ZMYND10: variants seen among roughly 807,000 people sequenced by gnomAD.
ZMYND10 encodes zinc finger MYND-type containing 10.
In ZMYND10, 52 loss-of-function variants were observed where a neutral mutation model predicts 62.6. That is an observed-to-expected ratio of 0.83 (90% CI 0.67 to 1.05). The LOEUF (loss-of-function observed/expected upper bound fraction) is 1.05, where lower values mean the gene tolerates loss of function less well. Ranked by LOEUF, ZMYND10 falls within the 50% of genes least tolerant of loss-of-function variation. ZMYND10 has a pLI of 0.00. For missense variants in ZMYND10, 438 were observed against 543.3 expected (o/e 0.81, Z 1.93); for synonymous variants, 197 against 218.5 (o/e 0.90, Z 0.87).
chr3:50,345,635 C>A lies in ZMYND10; in HGVS notation c.-56G>T. ...AGCAGCCGGGGTGGGGATGCTGTCA[C>A]ATTCGGGGACGACGGACCCCGACGG... On this transcript the variant is annotated 5_prime_UTR_variant, in exon 1 of 12. An upstream start codon of the reference 5' UTR is lost. Coordinates refer to ENST00000231749, the MANE Select transcript of ZMYND10 (RefSeq NM_015896.4). This position sits in a 1 kb window ranked among gnomAD's most constrained non-coding sequence, Gnocchi z 5.0. 6.5e-7 allele frequency: 1 copy of A among 1,536,708 alleles called. No individual in the cohort carries two copies. Among genetic ancestry groups the A allele is most frequent in the South Asian group, 1.2e-5 (1 of 81,572 alleles).
chr3:50,342,369 G>A (rs1349908591), intron 8 of ZMYND10, 28 bp downstream of exon 8: 3 of 1,558,118 alleles, frequency 1.9e-6, no homozygotes, highest in Middle Eastern at 1.8e-4. Flanking sequence ...TACTGGGGCT[G>A]TGGGGGCTGG....
intron 11 of ZMYND10, 31 bp from the exon 12 acceptor site, chr3:50,341,516 T>G: frequency 6.2e-7 from 1 of 1,614,228 alleles, no homozygotes; most frequent in Non-Finnish European, 8.5e-7. Flanking sequence ...AGGATGGCAA[T>G]GCATGTGGGG....
intron 7 of ZMYND10, 105 bp downstream of exon 7, chr3:50,342,813 G>A: frequency 6.8e-7 from 1 of 1,478,148 alleles, no homozygotes; most frequent in African/African-American, 1.4e-5. Flanking sequence ...TCCTCAGTGG[G>A]CTTGGGGACA....
At chr3:50,342,186 AG>A (rs753156329) in intron 8 of ZMYND10, 46 bp from the exon 9 acceptor site, 4 of 1,593,348 alleles carry the variant, frequency 2.5e-6, no homozygotes, top group African/African-American at 1.4e-5. Context: ...GGTGCTGGCC[AG>A]GGGGCCAAGG....
rs759762847 is a variant in ZMYND10 at position 50,342,153 on chromosome 3, C to G, written c.874-13G>C. 5.0e-6 allele frequency: 8 copies of G among 1,604,092 alleles called. No homozygotes were observed. The East Asian group carries it at 1.8e-4, about 36-fold the overall frequency. On this transcript the variant is annotated splice_polypyrimidine_tract_variant and intron_variant, in intron 8 of 11. Transcript: ENST00000231749. ...GGAAGGCCCGAAGCTGCAAGGGTGT[C>G]CAGTGGAGGCCAGTGTGATGCAGGT...
Position 50,345,154 on chromosome 3 carries a change from G to A in ZMYND10, c.171C>T (p.Pro57=), listed in dbSNP as rs1023241669. ...ILDATVSQGE[P]IQELLVTHGK... is the part of the protein sequence containing the mutation. ...CATGGGTGACCAGCAGCTCCTGAAT[G>A]GGCTCGCCCTGGCTGACTGTGGCAT... is the stretch of plus-strand genomic sequence containing the variant. Residue 57 remains proline (P), a synonymous_variant, in exon 2 of 12, where the codon CCC becomes CCT. Transcript: ENST00000231749. The surrounding 1 kb of genome is among the most constrained non-coding windows in gnomAD (Gnocchi z 5.0). 6.2e-7 allele frequency: 1 copy of A among 1,613,880 alleles called. No individual in the cohort carries two copies. The highest frequency in any genetic ancestry group is 1.3e-5 in the African/African-American group (1 of 74,904).
rs1314021178 is a variant in ZMYND10 at position 50,341,817 on chromosome 3, C to T, written c.1114G>A (p.Ala372Thr). 6.2e-7 allele frequency: 1 copy of T among 1,613,874 alleles called. No homozygotes were observed. Among genetic ancestry groups the T allele is most frequent in the African/African-American group, 1.3e-5 (1 of 74,958 alleles). The change falls in exon 10 of 12, where the codon GCG becomes ACG. Residue 372 changes from alanine (A) to threonine (T), a missense_variant. Transcript: ENST00000231749. ...CATTTCCACAGGCCTTACCTTCGCGCCTGCAGCCGCAGGTCCTGCTCTGAG... is the reference window on the plus strand; with the variant it reads ...CATTTCCACAGGCCTTACCTTCGCGTCTGCAGCCGCAGGTCCTGCTCTGAG... The part of the protein sequence containing the change: ...SPSEQDLRLQ[A>T]RRWAETYRLD...
At position 50,345,036 on chromosome 3, in the gene ZMYND10, G is replaced by A. The variant is rs1410716121; in HGVS notation, c.201+88C>T. 2 of 1,096,260 alleles carry A rather than the reference G, an allele frequency of 1.8e-6. No individual in the cohort carries two copies. Among genetic ancestry groups the A allele is most frequent in the East Asian group, 4.9e-5 (2 of 40,500 alleles). The allele number at this position is 1,096,260 out of a possible 1,614,324, so 67.9% of individuals were successfully genotyped here. On this transcript the variant is annotated intron_variant, in intron 2 of 11. Coordinates refer to ENST00000231749, the MANE Select transcript of ZMYND10 (RefSeq NM_015896.4). This position sits in a 1 kb window ranked among gnomAD's most constrained non-coding sequence, Gnocchi z 5.0. ...CAGGGAGAACAGGTGTACCAGGCCA[G>A]AGGGGAAGGGCACACAGGGGACTCC...
intron 8 of ZMYND10, 98 bp from the exon 9 acceptor site, chr3:50,342,238 G>A (rs368556449): frequency 6.3e-7 from 1 of 1,580,438 alleles, no homozygotes. Flanking sequence ...GCCTGTGGGG[G>A]CCCATGTCCC....
chr3:50,345,631 G>C lies in ZMYND10; in HGVS notation c.-52C>G, dbSNP rs763565137. 6.5e-7 allele frequency: 1 copy of C among 1,543,628 alleles called. No individual in the cohort carries two copies. On this transcript the variant is annotated 5_prime_UTR_variant, in exon 1 of 12. Coordinates refer to ENST00000231749, the MANE Select transcript of ZMYND10 (RefSeq NM_015896.4). This position sits in a 1 kb window ranked among gnomAD's most constrained non-coding sequence, Gnocchi z 5.0. ...GGGCAGCAGCCGGGGTGGGGATGCTGTCACATTCGGGGACGACGGACCCCG... is the reference window on the plus strand; with the variant it reads ...GGGCAGCAGCCGGGGTGGGGATGCTCTCACATTCGGGGACGACGGACCCCG...
Position 50,341,876 on chromosome 3 carries a change from A to G in ZMYND10, c.1055T>C (p.Ile352Thr). The G allele has an allele frequency of 6.2e-7, 1 of 1,614,118 alleles. No homozygotes were observed. The change falls in exon 10 of 12, where the codon ATT becomes ACT. Residue 352 changes from isoleucine to threonine, a missense_variant. Coordinates refer to ENST00000231749, the MANE Select transcript of ZMYND10 (RefSeq NM_015896.4). ...ERENRGKWQA[I>T]AKHQLQHVFS... is the part of the protein sequence containing the mutation. ...CACATGCTGGAGCTGGTGCTTGGCA[A>G]TTGCCTGCCACTTGCCTCTGTTTTC...
intron 11 of ZMYND10, 42 bp from the exon 12 acceptor site, chr3:50,341,527 G>A (rs773169074): frequency 1.4e-5 from 23 of 1,614,242 alleles, no homozygotes; most frequent in Non-Finnish European, 1.8e-5. Flanking sequence ...GCATGTGGGG[G>A]ATGTGGGAGT....
Position 50,343,250 on chromosome 3 carries a change from G to A in ZMYND10, c.511-44C>T, listed in dbSNP as rs753172821. The A allele has an allele frequency of 4.1e-5, 66 of 1,613,832 alleles. 1 individual carries two copies. The Admixed American group carries it at 5.5e-4, about 13-fold the overall frequency. On this transcript the variant is annotated intron_variant, in intron 5 of 11. Transcript: ENST00000231749. ...TTCACGCTGGGCCACCCTCACCTGC[G>A]CAGGCCTTGGGGAACCCAGACCTAG...
At position 50,345,585 on chromosome 3, in the gene ZMYND10, G is replaced by C; in HGVS notation, c.-6C>G. 1 of 1,588,666 alleles carries C rather than the reference G, an allele frequency of 6.3e-7. No homozygotes were observed. Among genetic ancestry groups the C allele is most frequent in the Non-Finnish European group, 8.6e-7 (1 of 1,167,832 alleles). ...AGCAGTTCCAGGTCTCCCATATCGAGGCCGGGGTCCGGCGGATCCTGGGCA... is the reference window on the plus strand; with the variant it reads ...AGCAGTTCCAGGTCTCCCATATCGACGCCGGGGTCCGGCGGATCCTGGGCA... On this transcript the variant is annotated 5_prime_UTR_variant, in exon 1 of 12. Coordinates refer to ENST00000231749, the MANE Select transcript of ZMYND10 (RefSeq NM_015896.4). The surrounding 1 kb of genome is among the most constrained non-coding windows in gnomAD (Gnocchi z 5.0).
chr3:50,345,250 T>G lies in ZMYND10; in HGVS notation c.93-18A>C. Reference sequence around the variant, plus strand: ...GGTTCCACCTGCCTCAGAGGGTAAGTGCATGTGCGTCCACGTGTGTGCATT... The same window carrying G: ...GGTTCCACCTGCCTCAGAGGGTAAGGGCATGTGCGTCCACGTGTGTGCATT... On this transcript the variant is annotated intron_variant, in intron 1 of 11. Transcript: ENST00000231749. The surrounding 1 kb of genome is among the most constrained non-coding windows in gnomAD (Gnocchi z 5.0). 6.2e-7 allele frequency: 1 copy of G among 1,610,688 alleles called. No individual in the cohort carries two copies. The highest frequency in any genetic ancestry group is 8.5e-7 in the Non-Finnish European group (1 of 1,178,392).
chr3:50,343,025 G>T lies in ZMYND10; in HGVS notation c.600-7C>A, dbSNP rs893508870. 3 of 1,613,962 alleles carry T rather than the reference G, an allele frequency of 1.9e-6. No homozygotes were observed. In the African/African-American group the frequency reaches 4.0e-5, roughly 22 times the overall value. ...CAAGGTGCTGAGAGAGAGGCTAGGG[G>T]CAGGGACGTTGTGAAGGAGGTGAGT... On this transcript the variant is annotated splice_polypyrimidine_tract_variant and splice_region_variant and intron_variant, in intron 6 of 11. Transcript: ENST00000231749.
In ZMYND10 at chr3:50,342,463, C is replaced by T. The variant is rs2109356717; in HGVS notation, c.807G>A (p.Leu269=). 1 of 1,612,832 alleles carries T rather than the reference C, an allele frequency of 6.2e-7. No individual in the cohort carries two copies. Among genetic ancestry groups the T allele is most frequent in the Non-Finnish European group, 8.5e-7 (1 of 1,179,506 alleles). The change falls in exon 8 of 12, where the codon CTG becomes CTA. Residue 269 remains leucine, a synonymous_variant. Transcript: ENST00000231749. Reference sequence around the variant, plus strand: ...GCGCCTGAGCCTCAGGGCTTAGCAGCAGGTTGTACAGGGCGATCCACACTT... The same window carrying T: ...GCGCCTGAGCCTCAGGGCTTAGCAGTAGGTTGTACAGGGCGATCCACACTT... The part of the protein sequence containing the change: ...DGQVWIALYN[L]LLSPEAQARY...
Position 50,342,925 on chromosome 3 carries a change from C to T in ZMYND10, c.693G>A (p.Arg231=). Residue 231 remains arginine, a synonymous_variant, in exon 7 of 12, where the codon CGG becomes CGA. Coordinates refer to ENST00000231749, the MANE Select transcript of ZMYND10 (RefSeq NM_015896.4). The part of the protein sequence containing the change: ...ELLEHSPWSR[R]EGGKLQQFEG... ...GGTGGGGGAGGACCCTACCTCCTTC[C>T]CGCCGGCTCCAGGGACTATGCTCCA... 7 of 1,613,894 alleles carry T rather than the reference C, an allele frequency of 4.3e-6. No individual in the cohort carries two copies. Among genetic ancestry groups the T allele is most frequent in the Non-Finnish European group, 5.9e-6 (7 of 1,179,874 alleles).
chr3:50,345,660 G>C lies in ZMYND10; in HGVS notation c.-81C>G. On this transcript the variant is annotated 5_prime_UTR_variant, in exon 1 of 12. Transcript: ENST00000231749. The surrounding 1 kb of genome is among the most constrained non-coding windows in gnomAD (Gnocchi z 5.0). ...CATTCGGGGACGACGGACCCCGACG[G>C]TGCCAAAGTCTGGGACAGGACAGTT... 3 of 1,541,868 alleles carry C rather than the reference G, an allele frequency of 1.9e-6. No individual in the cohort carries two copies. The highest frequency in any genetic ancestry group is 2.6e-6 in the Non-Finnish European group (3 of 1,143,760).
Sources: allele counts gnomAD v4.1 joint callset, GRCh38; gene constraint gnomAD v4.1.1; non-coding constraint Gnocchi (gnomAD v3.1); transcripts MANE v1.5; gene names NCBI Gene and HGNC (gene_info 2026-07-23, HGNC 2026-07-21).